Variants in ADAMTSL1 observed in about 807,000 individuals in gnomAD.
ADAMTSL1 encodes ADAMTS-like protein 1.
ADAMTSL1 carries 126 observed loss-of-function variants against 201.8 expected under a neutral mutation model. That is an observed-to-expected ratio of 0.62 (90% CI 0.54 to 0.72). The LOEUF is 0.72. Ranked by LOEUF, ADAMTSL1 falls within the 30% of genes least tolerant of loss-of-function variation. The probability of loss-of-function intolerance (pLI) is 0.00; values close to 1 mark genes in which losing one functional copy is unlikely to be tolerated. For missense variants in ADAMTSL1, 2,679 were observed against 2,277.8 expected (o/e 1.18, Z -3.59); for synonymous variants, 1,121 against 903.4 (o/e 1.24, Z -4.32).
intron 2 of ADAMTSL1, among the ~76,000 whole-genome samples, chr9:18,225,508 T>C (rs1830407481): frequency 1.3e-5 from 2 of 152,170 alleles, no homozygotes; most frequent in Non-Finnish European, 2.9e-5. Context: ...ATATATTTGT[T>C]AAAATCCTTC....
intron 2 of ADAMTSL1, among the ~76,000 whole-genome samples, chr9:18,207,199 T>C (rs1264518317): frequency 6.8e-6 from 1 of 147,938 alleles, no homozygotes; most frequent in African/African-American, 2.5e-5. Flanking sequence ...GTGGAGTAAA[T>C]GGAAGGGAAA....
At chr9:18,045,267 A>G (rs1441008899) in intron 1 of ADAMTSL1, among the ~76,000 whole-genome samples, 5 of 152,166 alleles carry the variant, frequency 3.3e-5, no homozygotes, top group Admixed American at 1.3e-4. Context: ...GAGAATCACA[A>G]GATTTCTTCT....
At chr9:18,324,785 A>G (rs1354581975) in intron 2 of ADAMTSL1, among the ~76,000 whole-genome samples, 1 of 151,942 alleles carries the variant, frequency 6.6e-6, no homozygotes, top group Non-Finnish European at 1.5e-5. Context: ...AAAATACACT[A>G]CATCAAAATT....
In ADAMTSL1 at chr9:18,777,657, G is replaced by C. The variant is rs1821137959; in HGVS notation, c.3428G>C (p.Ser1143Thr). 6.2e-7 allele frequency: 1 copy of C among 1,613,500 alleles called. No homozygotes were observed. The highest frequency in any genetic ancestry group is 8.5e-7 in the Non-Finnish European group (1 of 1,179,856). Residue 1143 changes from serine to threonine, a missense_variant, in exon 19 of 29, where the codon AGC (serine) becomes ACC (threonine). By Grantham distance (58) the Ser-to-Thr change is moderately conservative (BLOSUM62 1). Coordinates refer to ENST00000380548, the MANE Select transcript of ADAMTSL1 (RefSeq NM_001040272.6). The part of the protein sequence containing the change: ...SPHKHVSGFS[S>T]SLRTSSTGDA... ...CATAAACACGTGTCTGGCTTCAGCA[G>C]CTCCCTGCGGACCTCCTCCACCGGG...
intron 2 of ADAMTSL1, among the ~76,000 whole-genome samples, chr9:18,417,763 C>T (rs995103875): frequency 6.6e-6 from 1 of 152,086 alleles, no homozygotes; most frequent in African/African-American, 2.4e-5. Context: ...CCTCCAGACC[C>T]AAATGGTTTC....
At chr9:18,267,590 G>T (rs965987017) in intron 2 of ADAMTSL1, among the ~76,000 whole-genome samples, 7 of 152,110 alleles carry the variant, frequency 4.6e-5, no homozygotes, top group South Asian at 2.1e-4. Flanking sequence ...TAAGAGGAAA[G>T]CACTCTACGA....
chr9:18,142,713 A>T (rs1337930973), intron 1 of ADAMTSL1, among the ~76,000 whole-genome samples: 4 of 152,158 alleles, frequency 2.6e-5, no homozygotes, highest in South Asian at 4.2e-4. Flanking sequence ...TAAAAAGGAG[A>T]GTGGCCTTTG....
intron 2 of ADAMTSL1, among the ~76,000 whole-genome samples, chr9:18,278,233 A>T (rs1254368413): frequency 6.6e-6 from 1 of 152,080 alleles, no homozygotes; most frequent in Non-Finnish European, 1.5e-5. Context: ...TTGACTTTTG[A>T]TGTTTATAGT....
chr9:18,317,158 T>C (rs1834433762), intron 2 of ADAMTSL1, among the ~76,000 whole-genome samples: 1 of 152,126 alleles, frequency 6.6e-6, no homozygotes, highest in Non-Finnish European at 1.5e-5. Context: ...ATCTTACTTA[T>C]ATGTGGTGTG....
At chr9:18,196,968 C>T (rs1265404020) in intron 2 of ADAMTSL1, among the ~76,000 whole-genome samples, 1 of 152,122 alleles carries the variant, frequency 6.6e-6, no homozygotes, top group Non-Finnish European at 1.5e-5. Context: ...CCCTCACACA[C>T]ATGCTAATTC....
intron 1 of ADAMTSL1, among the ~76,000 whole-genome samples, chr9:18,142,824 G>A (rs1223295910): frequency 2.6e-5 from 4 of 152,134 alleles, no homozygotes; most frequent in Admixed American, 6.5e-5. Context: ...AAAATCTTCC[G>A]AACTTTAGAA....
intron 1 of ADAMTSL1, among the ~76,000 whole-genome samples, chr9:18,125,594 A>G (rs1399749013): frequency 1.3e-5 from 2 of 152,092 alleles, no homozygotes; most frequent in Non-Finnish European, 2.9e-5. Context: ...TTTGAGTTAC[A>G]TTTTCTGCAT....
chr9:18,230,300 C>A (rs1203340627), intron 2 of ADAMTSL1, among the ~76,000 whole-genome samples: 3 of 152,092 alleles, frequency 2.0e-5, no homozygotes, highest in African/African-American at 7.2e-5. Context: ...TTCCTGGATT[C>A]AATATGATAC....
intron 1 of ADAMTSL1, among the ~76,000 whole-genome samples, chr9:17,942,740 C>T (rs775526506): frequency 6.6e-6 from 1 of 152,156 alleles, no homozygotes; most frequent in Non-Finnish European, 1.5e-5. Flanking sequence ...TGTGCTGGCA[C>T]CACTCCAAGG....
At chr9:18,505,592 T>C (rs377095900) in intron 2 of ADAMTSL1, among the ~76,000 whole-genome samples, 3 of 152,190 alleles carry the variant, frequency 2.0e-5, no homozygotes, top group East Asian at 3.9e-4. Flanking sequence ...GAATGGAAAT[T>C]TTTACTTAGA....
Position 18,180,045 on chromosome 9 carries a change from T to C in ADAMTSL1, c.207+16064T>C, listed in dbSNP as rs1369011999. The stretch of plus-strand genomic sequence containing the variant: ...TAACAATATTAACTTTAAATATAAA[T>C]GGACTAAATGCTCCAATTAAAAGAC... On this transcript the variant is annotated intron_variant, in intron 2 of 29. Transcript: ENST00000680146. Among the ~76,000 whole-genome samples the C allele has an allele frequency of 2.0e-5, 3 of 152,078 alleles. No individual in the cohort carries two copies. The East Asian group carries it at 5.8e-4, about 30-fold the overall frequency.
chr9:18,883,828 T>G (rs545619523), intron 23 of ADAMTSL1, among the ~76,000 whole-genome samples: 1 of 152,216 alleles, frequency 6.6e-6, no homozygotes, highest in Non-Finnish European at 1.5e-5. Flanking sequence ...TATTGGATAT[T>G]TGAGTGGTTT....
At chr9:18,392,956 C>T (rs2133230494) in intron 2 of ADAMTSL1, among the ~76,000 whole-genome samples, 1 of 152,264 alleles carries the variant, frequency 6.6e-6, no homozygotes, top group African/African-American at 2.4e-5. Flanking sequence ...CTTTACTTTG[C>T]ATTTGACTAC....
intron 1 of ADAMTSL1, among the ~76,000 whole-genome samples, chr9:18,095,782 T>C: frequency 6.6e-6 from 1 of 152,184 alleles, no homozygotes; most frequent in South Asian, 2.1e-4. Context: ...TCTTGCATAA[T>C]TCTTGCTCCA....
Sources: gnomAD v4.1 joint callset for allele counts (sites outside exome capture counted in the v4.1 genomes callset) on GRCh38, gnomAD v4.1.1 for gene constraint, MANE v1.5 for transcripts, NCBI Gene and HGNC (gene_info 2026-07-23, HGNC 2026-07-21) for gene names.